FANCC: variants seen among roughly 807,000 people sequenced by gnomAD.
FANCC encodes the protein Fanconi anemia group C protein.
A neutral mutation model predicts 71.3 loss-of-function variants in FANCC; 55 were observed. That is an observed-to-expected ratio of 0.77 (90% CI 0.62 to 0.97). FANCC has a LOEUF of 0.97. Among genes scored for constraint, FANCC ranks in the 50% least tolerant of loss-of-function variants. The probability of loss-of-function intolerance (pLI) is 0.00; values close to 1 mark genes in which losing one functional copy is unlikely to be tolerated. For synonymous variants in FANCC, 275 were observed against 244.9 expected (o/e 1.12, Z -1.15); for missense variants, 678 against 670.9 (o/e 1.01, Z -0.12).
At chr9:95,176,766 G>A (rs571584308) in intron 4 of FANCC, among the ~76,000 whole-genome samples, 2 of 152,236 alleles carry the variant, frequency 1.3e-5, no homozygotes, top group South Asian at 2.1e-4. Flanking sequence ...GGTTGAGATG[G>A]AAAGTAATGT....
chr9:95,110,648 G>T (rs1017986831), intron 13 of FANCC: 5 of 1,046,508 alleles, frequency 4.8e-6, no homozygotes, highest in Non-Finnish European at 5.8e-6. Context: ...TTATTAGTCT[G>T]TGTGTTTTCA....
chr9:95,248,800 T>C (rs779021623), intron 2 of FANCC, among the ~76,000 whole-genome samples: 2 of 152,154 alleles, frequency 1.3e-5, no homozygotes, highest in Non-Finnish European at 2.9e-5. Context: ...GTTAAGCATG[T>C]AGCAAATTCT....
intron 4 of FANCC, among the ~76,000 whole-genome samples, chr9:95,182,664 T>C (rs536488688): frequency 5.3e-4 from 81 of 152,138 alleles, no homozygotes; most frequent in African/African-American, 1.9e-3. Context: ...CAGGTGGGAA[T>C]AGCCATCACG....
chr9:95,191,496 T>C (rs1051231253), intron 4 of FANCC, among the ~76,000 whole-genome samples: 1 of 151,812 alleles, frequency 6.6e-6, no homozygotes, highest in Admixed American at 6.6e-5. Context: ...CTGGCCAGCA[T>C]CCTACTTCTA....
intron 4 of FANCC, among the ~76,000 whole-genome samples, chr9:95,214,468 A>G (rs959048766): frequency 3.9e-5 from 6 of 152,094 alleles, no homozygotes; most frequent in Non-Finnish European, 7.4e-5. Context: ...TTAAAAATAG[A>G]ATTACCAGAT....
intron 6 of FANCC, among the ~76,000 whole-genome samples, chr9:95,152,537 G>A (rs1304735940): frequency 6.6e-6 from 1 of 151,998 alleles, no homozygotes; most frequent in African/African-American, 2.4e-5. Context: ...AAAGGCTTCT[G>A]TAGATCACTG....
At chr9:95,271,927 C>CTTCTTTTTTTTTTTT (rs1832750730) in intron 1 of FANCC, among the ~76,000 whole-genome samples, 1 of 50,480 alleles carries the variant, frequency 2.0e-5, no homozygotes, top group East Asian at 6.6e-4. Flanking sequence ...CAAGCCTCTT[C>CTTCTTTTTTTTTTTT]TTTTTTTTTT....
intron 8 of FANCC, among the ~76,000 whole-genome samples, chr9:95,128,204 T>C (rs1033288505): frequency 6.6e-6 from 1 of 152,174 alleles, no homozygotes; most frequent in Non-Finnish European, 1.5e-5. Flanking sequence ...AATATAAAAG[T>C]TTCTATGTAT....
chr9:95,292,520 C>T (rs1834101755), intron 1 of FANCC: 2 of 1,487,830 alleles, frequency 1.3e-6, no homozygotes, highest in Non-Finnish European at 8.9e-7. Flanking sequence ...CCGCGGCCTC[C>T]GTGCTGGCGG....
intron 4 of FANCC, among the ~76,000 whole-genome samples, chr9:95,184,909 T>C (rs1688175522): frequency 6.6e-6 from 1 of 152,228 alleles, no homozygotes; most frequent in Non-Finnish European, 1.5e-5. Context: ...GTAAAGCTAA[T>C]CAGATACTTC....
intron 4 of FANCC, among the ~76,000 whole-genome samples, chr9:95,203,118 C>A (rs1019503943): frequency 1.3e-5 from 2 of 152,134 alleles, no homozygotes; most frequent in African/African-American, 4.8e-5. Context: ...TGAGGCCAGG[C>A]ACAGTGGCTC....
intron 1 of FANCC, among the ~76,000 whole-genome samples, chr9:95,251,830 T>C (rs1831349135): frequency 2.0e-5 from 3 of 152,192 alleles, no homozygotes; most frequent in Admixed American, 1.3e-4. Context: ...GGTACTATTA[T>C]CATCTCCATT....
At chr9:95,218,690 T>A (rs986596695) in intron 4 of FANCC, among the ~76,000 whole-genome samples, 1 of 152,122 alleles carries the variant, frequency 6.6e-6, no homozygotes. Flanking sequence ...CATACTAGAA[T>A]AGTATAAAGA....
intron 4 of FANCC, among the ~76,000 whole-genome samples, chr9:95,215,008 C>A (rs751665883): frequency 4.6e-5 from 7 of 151,794 alleles, no homozygotes; most frequent in Non-Finnish European, 8.8e-5. Context: ...CATTTTACCA[C>A]AAAAATATAT....
At chr9:95,196,345 T>G (rs1827456568) in intron 4 of FANCC, among the ~76,000 whole-genome samples, 1 of 152,214 alleles carries the variant, frequency 6.6e-6, no homozygotes, top group African/African-American at 2.4e-5. Context: ...GCATTTTTCC[T>G]GCATCAATTG....
chr9:95,202,640 A>G (rs1003151734), intron 4 of FANCC, among the ~76,000 whole-genome samples: 8 of 152,246 alleles, frequency 5.3e-5, no homozygotes, highest in African/African-American at 1.9e-4. Context: ...GCCCCTTCCA[A>G]TTAAGAAGTA....
At chr9:95,157,365 G>A (rs1442909658) in intron 6 of FANCC, among the ~76,000 whole-genome samples, 4 of 152,144 alleles carry the variant, frequency 2.6e-5, no homozygotes, top group South Asian at 2.1e-4. Context: ...TTTAAATAGA[G>A]TTTCACTTGC....
intron 7 of FANCC, among the ~76,000 whole-genome samples, chr9:95,136,052 C>G (rs1302326942): frequency 3.3e-5 from 5 of 152,146 alleles, no homozygotes; most frequent in Admixed American, 6.5e-5. Flanking sequence ...ACATAAATAT[C>G]CAATAACTAA....
At chr9:95,178,949 C>G (rs1366258307) in intron 4 of FANCC, among the ~76,000 whole-genome samples, 1 of 152,156 alleles carries the variant, frequency 6.6e-6, no homozygotes, top group Non-Finnish European at 1.5e-5. Flanking sequence ...TATAAGACAT[C>G]GACTTCCAAA....
Sources: gnomAD v4.1 joint callset for allele counts (sites outside exome capture counted in the v4.1 genomes callset) on GRCh38, gnomAD v4.1.1 for gene constraint, MANE v1.5 for transcripts, NCBI Gene and HGNC (gene_info 2026-07-23, HGNC 2026-07-21) for gene names.